Variants in CIITA observed in about 807,000 individuals in gnomAD.
The protein encoded by CIITA is class II major histocompatibility complex transactivator.
CIITA carries 72 observed loss-of-function variants against 115.1 expected under a neutral mutation model. That is an observed-to-expected ratio of 0.63 (90% CI 0.52 to 0.76). The LOEUF (loss-of-function observed/expected upper bound fraction) is 0.76. Among genes scored for constraint, CIITA ranks in the 30% least tolerant of loss-of-function variants. The pLI, the probability that CIITA is intolerant of heterozygous loss-of-function variation, is 0.00. For synonymous variants in CIITA, 763 were observed against 635.6 expected, an observed-to-expected ratio of 1.20 and a Z score of -3.02; for missense variants, 1,617 against 1,463.8, an observed-to-expected ratio of 1.10 and a Z score of -1.71.
chr16:10,866,508 G>T (rs1379393062), intron 1 of CIITA: 2 of 557,336 alleles, frequency 3.6e-6, no homozygotes, highest in South Asian at 1.4e-5. Context: ...CCCTCCTGGG[G>T]TGGGCCCGGA....
chr16:10,904,709 C>T, intron 9 of CIITA, 35 bp from the exon 10 acceptor site: 1 of 1,613,482 alleles, frequency 6.2e-7, no homozygotes, highest in Non-Finnish European at 8.5e-7. Context: ...GGGTAACCCT[C>T]ACCCTAAATC....
chr16:10,925,097 T>C lies in CIITA; in HGVS notation c.*1242T>C, dbSNP rs1404707537. On this transcript the variant is annotated 3_prime_UTR_variant, in exon 20 of 20. Coordinates refer to ENST00000324288, the MANE Select transcript of CIITA (RefSeq NM_000246.4). ...TGGGCTGGTGTCACCTGAAGACTCA[T>C]TCTTCTGTACGTCTGACAGGCAATG... 2 of 152,338 alleles carry C rather than the reference T, an allele frequency of 1.3e-5. No homozygotes were observed. Among genetic ancestry groups the C allele is most frequent in the East Asian group, 1.9e-4 (1 of 5,204 alleles). 9.4% of individuals were successfully genotyped at this position (152,338 alleles called of 1,614,324 possible).
At chr16:10,866,573 G>A (rs777073875) in intron 1 of CIITA, 1 of 534,420 alleles carries the variant, frequency 1.9e-6, no homozygotes. Context: ...GACCATGGTG[G>A]TAAGTTGGCA....
chr16:10,872,554 T>C (rs1260092140), upstream of CIITA, among the ~76,000 whole-genome samples: 1 of 152,240 alleles, frequency 6.6e-6, no homozygotes, highest in Non-Finnish European at 1.5e-5. Context: ...TAATCACCCA[T>C]ATATTTCCCA....
chr16:10,870,223 A>G, intron 1 of CIITA, among the ~76,000 whole-genome samples: 1 of 151,794 alleles, frequency 6.6e-6, no homozygotes, highest in East Asian at 1.9e-4. Flanking sequence ...CCTCTTCTAA[A>G]CAACCCAAGG....
In CIITA at chr16:10,932,205, T is replaced by C. The variant is rs2040826283; in HGVS notation, c.*8350T>C. 1 of 152,236 alleles carries C rather than the reference T, an allele frequency of 6.6e-6. No individual in the cohort carries two copies. Among genetic ancestry groups the C allele is most frequent in the Non-Finnish European group, 1.5e-5 (1 of 68,056 alleles). The allele number at this position is 152,236 out of a possible 1,614,324, so 9.4% of individuals were successfully genotyped here. A position where few individuals can be genotyped will look rare whatever the true frequency, so the allele number is the denominator to read the frequency against. ...ATTCTCATTTGTCACACACTTTGGC[T>C]ATTAGAGATCAACCCCTTCGCTCCT... On this transcript the variant is annotated 3_prime_UTR_variant, in exon 20 of 20. Transcript: ENST00000324288.
intron 16 of CIITA, among the ~76,000 whole-genome samples, chr16:10,921,436 C>T (rs962758217): frequency 3.3e-5 from 5 of 152,176 alleles, no homozygotes; most frequent in Admixed American, 1.3e-4. Flanking sequence ...TTAACTCATG[C>T]GACCCTCACC....
At chr16:10,914,404 C>T (rs1208837397) in intron 13 of CIITA, among the ~76,000 whole-genome samples, 1 of 152,240 alleles carries the variant, frequency 6.6e-6, no homozygotes, top group African/African-American at 2.4e-5. Context: ...GGAATGAATT[C>T]GAGTGACCGT....
At chr16:10,919,481 G>A (rs981506087) in intron 16 of CIITA, among the ~76,000 whole-genome samples, 15 of 152,152 alleles carry the variant, frequency 9.9e-5, no homozygotes, top group African/African-American at 2.9e-4. Context: ...GATTACAGGC[G>A]TGAGCCACCA....
chr16:10,877,457 A>C, intron 1 of CIITA, 75 bp downstream of exon 1: 2 of 1,463,448 alleles, frequency 1.4e-6, no homozygotes, highest in Non-Finnish European at 1.9e-6. Context: ...AAACAGAGAA[A>C]CCATTCTGAA....
intron 1 of CIITA, among the ~76,000 whole-genome samples, chr16:10,894,289 A>G (rs1290334096): frequency 2.0e-5 from 3 of 152,182 alleles, no homozygotes; most frequent in African/African-American, 4.8e-5. Flanking sequence ...AGCATGTATC[A>G]GTGCTTTCTC....
chr16:10,888,487 T>C (rs889830572), intron 1 of CIITA: 5 of 152,270 alleles, frequency 3.3e-5, no homozygotes, highest in African/African-American at 1.2e-4. Context: ...GTTAGAACAT[T>C]GTGGCGACAC....
At position 10,895,346 on chromosome 16, in the gene CIITA, C is replaced by G. The variant is rs752771578; in HGVS notation, c.117C>G (p.Asn39Lys). 3.1e-6 allele frequency: 5 copies of G among 1,614,160 alleles called. No homozygotes were observed. The highest frequency in any genetic ancestry group is 4.2e-6 in the Non-Finnish European group (5 of 1,180,040). Residue 39 changes from asparagine (N) to lysine (K), a missense_variant, in exon 2 of 20, where the codon AAC becomes AAG. Coordinates refer to ENST00000324288, the MANE Select transcript of CIITA (RefSeq NM_000246.4). Reference sequence around the variant, plus strand: ...AAGGTGGCTACCTGGAGCTTCTTAACAGCGATGCTGACCCCCTGTGCCTCT... The same window carrying G: ...AAGGTGGCTACCTGGAGCTTCTTAAGAGCGATGCTGACCCCCTGTGCCTCT... ...PLEGGYLELLNSDADPLCLYH... is the reference protein window; with the variant it reads ...PLEGGYLELLKSDADPLCLYH...
At chr16:10,871,415 G>C (rs979965251) in intron 1 of CIITA, among the ~76,000 whole-genome samples, 11 of 152,212 alleles carry the variant, frequency 7.2e-5, no homozygotes, top group Admixed American at 2.0e-4. Context: ...GGGCACCCCT[G>C]CCAGGGTCTT....
chr16:10,872,017 A>G (rs1231934664), intron 1 of CIITA, among the ~76,000 whole-genome samples: 1 of 151,964 alleles, frequency 6.6e-6, no homozygotes, highest in African/African-American at 2.4e-5. Context: ...CTACTTTCCC[A>G]TCCACCTACC....
In CIITA at chr16:10,907,256, A is replaced by T; in HGVS notation, c.1764A>T (p.Thr588=). The change falls in exon 11 of 20, where the codon ACA becomes ACT. Residue 588 remains threonine, a synonymous_variant. Coordinates refer to ENST00000324288, the MANE Select transcript of CIITA (RefSeq NM_000246.4). This position sits in a 1 kb window ranked among gnomAD's most constrained non-coding sequence, Gnocchi z 5.0. ...GCTACTTTGAGAGCTCAGGGATGAC[A>T]GAGCACCAAGACAGAGCCCTGACGC... ...VMRYFESSGM[T]EHQDRALTLL... 3.1e-6 allele frequency: 5 copies of T among 1,613,344 alleles called. No homozygotes were observed. Among genetic ancestry groups the T allele is most frequent in the Non-Finnish European group, 4.2e-6 (5 of 1,179,954 alleles).
intron 1 of CIITA, among the ~76,000 whole-genome samples, chr16:10,878,072 GA>G (rs1421171533): frequency 6.6e-6 from 1 of 152,196 alleles, no homozygotes; most frequent in East Asian, 1.9e-4. Context: ...AAGCCTGTAT[GA>G]AAGGGTAATG....
At position 10,941,507 on chromosome 16, in the gene CIITA, T is replaced by C; in HGVS notation, n.633T>C. On this transcript the variant is annotated non_coding_transcript_exon_variant, in exon 2 of 2. Coordinates refer to the CIITA transcript ENST00000573379. The surrounding 1 kb of genome is among the most constrained non-coding windows in gnomAD (Gnocchi z 6.4). ...GAGGGGTGTGTATCCGGCCTGGGAATTCCTCCCTCTCCCTTGCTAGCGCCC... is the reference window on the plus strand; with the variant it reads ...GAGGGGTGTGTATCCGGCCTGGGAACTCCTCCCTCTCCCTTGCTAGCGCCC... The C allele has an allele frequency of 7.3e-7, 1 of 1,373,706 alleles. No individual in the cohort carries two copies. Among genetic ancestry groups the C allele is most frequent in the East Asian group, 2.8e-5 (1 of 35,214 alleles). The allele number at this position is 1,373,706 out of a possible 1,614,324, so 85.1% of individuals were successfully genotyped here.
intron 3 of CIITA, among the ~76,000 whole-genome samples, chr16:10,897,383 C>T (rs1164015745): frequency 6.6e-6 from 1 of 152,206 alleles, no homozygotes; most frequent in Non-Finnish European, 1.5e-5. Flanking sequence ...CCTGTTTATC[C>T]ACTAATCCAT....
Sources: gnomAD v4.1 joint callset for allele counts (sites outside exome capture counted in the v4.1 genomes callset) on GRCh38, gnomAD v4.1.1 for gene constraint, Gnocchi (gnomAD v3.1) non-coding constraint, MANE v1.5 for transcripts, NCBI Gene and HGNC (gene_info 2026-07-23, HGNC 2026-07-21) for gene names.